FSTL5: variants seen among roughly 807,000 people sequenced by gnomAD.
The protein encoded by FSTL5 is follistatin like 5, also known as follistatin-related protein 5.
FSTL5 carries 62 observed loss-of-function variants against 89.1 expected under a neutral mutation model. The ratio of observed to expected loss-of-function variants is 0.70; its 90% CI spans 0.57 to 0.86. The LOEUF (loss-of-function observed/expected upper bound fraction) is 0.86, where lower values mean the gene tolerates loss of function less well. Ranked by LOEUF, FSTL5 falls within the 40% of genes least tolerant of loss-of-function variation. The pLI is 0.00. For missense variants in FSTL5, 1,057 were observed against 1,001.6 expected, an observed-to-expected ratio of 1.06 and a Z score of -0.75; for synonymous variants, 383 against 346.2, an observed-to-expected ratio of 1.11 and a Z score of -1.18.
At chr4:161,795,926 G>T (rs1396224713) in intron 4 of FSTL5, among the ~76,000 whole-genome samples, 1 of 151,756 alleles carries the variant, frequency 6.6e-6, no homozygotes, top group African/African-American at 2.4e-5. Flanking sequence ...GCTTTTGGGG[G>T]TCTTTTTTGG....
intron 15 of FSTL5, among the ~76,000 whole-genome samples, chr4:161,446,858 C>A (rs1033689622): frequency 1.3e-5 from 2 of 151,818 alleles, no homozygotes; most frequent in Non-Finnish European, 2.9e-5. Context: ...AATGAGGAAA[C>A]GGAGTAATCT....
chr4:161,591,325 T>C (rs1291625958), intron 7 of FSTL5, among the ~76,000 whole-genome samples: 1 of 152,096 alleles, frequency 6.6e-6, no homozygotes, highest in African/African-American at 2.4e-5. Flanking sequence ...GAGTGGGAAA[T>C]AACTGCTAAT....
At chr4:161,695,166 C>A (rs1302526612) in intron 6 of FSTL5, among the ~76,000 whole-genome samples, 2 of 151,962 alleles carry the variant, frequency 1.3e-5, no homozygotes, top group African/African-American at 4.8e-5. Context: ...ACCCAAGCAG[C>A]ATACACTACA....
rs530439682 is a variant in FSTL5 at position 161,474,384 on chromosome 4, T to G, written c.1608+6636A>C. 2.0e-5 allele frequency among the ~76,000 whole-genome samples: 3 copies of G among 152,266 alleles called. No individual in the cohort carries two copies. The South Asian group carries it at 6.2e-4, about 32-fold the overall frequency. On this transcript the variant is annotated intron_variant, in intron 13 of 15. Coordinates refer to ENST00000306100, the MANE Select transcript of FSTL5 (RefSeq NM_020116.5). ...AATCAAAGTTACAATAATAATAACT[T>G]TTAGACTAATAATATTTATGCATTA...
chr4:162,126,076 G>A (rs572225809), intron 1 of FSTL5, among the ~76,000 whole-genome samples: 1 of 151,850 alleles, frequency 6.6e-6, no homozygotes, highest in South Asian at 2.1e-4. Flanking sequence ...AAATTAATAA[G>A]AATAATAATT....
At chr4:161,899,169 T>A (rs1429173116) in intron 4 of FSTL5, among the ~76,000 whole-genome samples, 1 of 152,008 alleles carries the variant, frequency 6.6e-6, no homozygotes, top group Non-Finnish European at 1.5e-5. Flanking sequence ...GGGATTCTAA[T>A]CAGAATTTGT....
chr4:161,647,440 C>T (rs1736190954), intron 7 of FSTL5, among the ~76,000 whole-genome samples: 1 of 151,132 alleles, frequency 6.6e-6, no homozygotes. Context: ...AGTTTTGTTT[C>T]TTCTTTTGCA....
chr4:161,554,522 T>C (rs1393781344), intron 8 of FSTL5, among the ~76,000 whole-genome samples: 1 of 151,658 alleles, frequency 6.6e-6, no homozygotes, highest in Non-Finnish European at 1.5e-5. Flanking sequence ...CTGGCTGTTT[T>C]GGAAGCCTGA....
chr4:161,761,435 T>C (rs527704120), intron 5 of FSTL5, among the ~76,000 whole-genome samples: 18 of 152,306 alleles, frequency 1.2e-4, no homozygotes, highest in Non-Finnish European at 2.6e-4. Flanking sequence ...GTTAGCATTG[T>C]GGTAATATTT....
At chr4:162,095,844 C>T (rs769750614) in intron 2 of FSTL5, among the ~76,000 whole-genome samples, 10 of 151,846 alleles carry the variant, frequency 6.6e-5, no homozygotes, top group Non-Finnish European at 1.5e-4. Flanking sequence ...AATGTGTGTA[C>T]TTAAAATACA....
chr4:161,917,646 T>G (rs756951949), intron 4 of FSTL5, among the ~76,000 whole-genome samples: 26 of 152,192 alleles, frequency 1.7e-4, no homozygotes, highest in Non-Finnish European at 3.4e-4. Context: ...TTCATCAAGA[T>G]AGTCAAGAAG....
chr4:161,476,173 G>GTT (rs1231231673), intron 13 of FSTL5, among the ~76,000 whole-genome samples: 1,805 of 80,386 alleles, frequency 0.022, 64 homozygotes, highest in Non-Finnish European at 0.028. Context: ...AAGTTTGCTG[G>GTT]TTTTTTTTTT....
rs187156160 is a variant in FSTL5 at position 161,839,549 on chromosome 4, A to G, written c.410-63475T>C. Among the ~76,000 whole-genome samples the G allele has an allele frequency of 5.4e-3, 823 of 151,748 alleles. 9 individuals are homozygous for G. The highest frequency in any genetic ancestry group is 0.019 in the African/African-American group (780 of 41,198). ...AGCACTCAAAACATATGTGAATCTC[A>G]CAAACATATGTGAATCTCACAAACT... is the stretch of plus-strand genomic sequence containing the variant. On this transcript the variant is annotated intron_variant, in intron 4 of 15. Coordinates refer to ENST00000306100, the MANE Select transcript of FSTL5 (RefSeq NM_020116.5).
chr4:161,542,677 C>A lies in FSTL5; in HGVS notation c.1032G>T (p.Arg344=). The A allele has an allele frequency of 6.8e-7, 1 of 1,479,132 alleles. No homozygotes were observed. The highest frequency in any genetic ancestry group is 9.0e-7 in the Non-Finnish European group (1 of 1,109,488). The allele number at this position is 1,479,132 out of a possible 1,614,324, so 91.6% of individuals were successfully genotyped here. A position where few individuals can be genotyped will look rare whatever the true frequency, so the allele number is the denominator to read the frequency against. The change falls in exon 9 of 16, where the codon CGG becomes CGT. Residue 344 remains arginine, a synonymous_variant. Transcript: ENST00000306100. Reference sequence around the variant, plus strand: ...CTCTAGCCTGACTCTCTGGATACACCCGGATGACTGGAGGAACTAAAGGAA... The same window carrying A: ...CTCTAGCCTGACTCTCTGGATACACACGGATGACTGGAGGAACTAAAGGAA... ...IFQVNVPPVI[R]VYPESQAREP...
intron 1 of FSTL5, among the ~76,000 whole-genome samples, chr4:162,126,666 CT>C (rs1262294929): frequency 2.0e-5 from 3 of 151,944 alleles, no homozygotes; most frequent in African/African-American, 7.3e-5. Context: ...ATCATTTTGT[CT>C]TTTAAAAGTA....
intron 3 of FSTL5, among the ~76,000 whole-genome samples, chr4:161,989,620 G>C (rs1578923131): frequency 6.6e-6 from 1 of 152,116 alleles, no homozygotes; most frequent in East Asian, 1.9e-4. Context: ...TAGAGTGAAA[G>C]AAGCCAGTTC....
intron 1 of FSTL5, among the ~76,000 whole-genome samples, chr4:162,115,891 T>G (rs1731619121): frequency 6.6e-6 from 1 of 152,168 alleles, no homozygotes; most frequent in Admixed American, 6.5e-5. Context: ...TTGATATGTT[T>G]ACATATTCTC....
At chr4:161,921,341 G>T (rs1295021150) in intron 3 of FSTL5, among the ~76,000 whole-genome samples, 1 of 152,054 alleles carries the variant, frequency 6.6e-6, no homozygotes, top group African/African-American at 2.4e-5. Flanking sequence ...TACTTATTTA[G>T]TCTAATAAAC....
intron 6 of FSTL5, among the ~76,000 whole-genome samples, chr4:161,679,924 T>G (rs540934281): frequency 3.3e-5 from 5 of 151,718 alleles, no homozygotes; most frequent in Admixed American, 6.6e-5. Context: ...AATATTAAAC[T>G]GAGTACAAAA....
Sources: allele counts gnomAD v4.1 joint callset (sites outside exome capture counted in the v4.1 genomes callset), GRCh38; gene constraint gnomAD v4.1.1; transcripts MANE v1.5; gene names NCBI Gene and HGNC (gene_info 2026-07-23, HGNC 2026-07-21).